CCNYL1: variants seen among roughly 807,000 people sequenced by gnomAD.
The protein encoded by CCNYL1 is cyclin Y like 1.
A neutral mutation model predicts 44.2 loss-of-function variants in CCNYL1; 16 were observed. That is an observed-to-expected ratio of 0.36 (90% CI 0.25 to 0.55). CCNYL1 has a LOEUF of 0.55. CCNYL1 is among the 20% of genes least tolerant of loss of function. The pLI, the probability that CCNYL1 is intolerant of heterozygous loss-of-function variation, is 0.85. For synonymous variants in CCNYL1, 159 were observed against 163.2 expected, an observed-to-expected ratio of 0.97 and a Z score of 0.20; for missense variants, 348 against 451.8, an observed-to-expected ratio of 0.77 and a Z score of 2.08.
At position 207,743,929 on chromosome 2, in the gene CCNYL1, A is replaced by T. The variant is rs552096816; in HGVS notation, c.639+1587A>T. Among the ~76,000 whole-genome samples the T allele has an allele frequency of 2.6e-5, 4 of 152,118 alleles. 1 individual carries two copies. Among genetic ancestry groups the T allele is most frequent in the African/African-American group, 9.6e-5 (4 of 41,482 alleles). ...CAGGTGATCCTGCCAGAGTGTTGGG[A>T]TTACAGACGTGAGCTACCAAGTGCT... On this transcript the variant is annotated intron_variant, in intron 7 of 9. Transcript: ENST00000295414.
At chr2:207,752,565 C>A (rs2091901649) in intron 9 of CCNYL1, among the ~76,000 whole-genome samples, 1 of 151,522 alleles carries the variant, frequency 6.6e-6, no homozygotes, top group Non-Finnish European at 1.5e-5. Context: ...GTAGGAAGTA[C>A]ATGGGTTTTT....
At chr2:207,728,584 C>G (rs1169393105) in intron 3 of CCNYL1, among the ~76,000 whole-genome samples, 2 of 152,096 alleles carry the variant, frequency 1.3e-5, no homozygotes, top group African/African-American at 4.8e-5. Context: ...CCAAAGCTTC[C>G]TATTTCATAA....
intron 8 of CCNYL1, among the ~76,000 whole-genome samples, chr2:207,747,709 G>A (rs537072428): frequency 1.8e-4 from 27 of 152,150 alleles, no homozygotes; most frequent in Non-Finnish European, 3.2e-4. Context: ...ACAGGCATGC[G>A]CCACCATGCC....
chr2:207,730,386 T>A (rs1047618915), intron 3 of CCNYL1, among the ~76,000 whole-genome samples: 107 of 152,202 alleles, frequency 7.0e-4, no homozygotes, highest in Non-Finnish European at 1.4e-3. Context: ...TTCCAGTCAC[T>A]CTCTGTAGGC....
At chr2:207,739,515 C>T (rs1426896250) in intron 5 of CCNYL1, among the ~76,000 whole-genome samples, 1 of 152,236 alleles carries the variant, frequency 6.6e-6, no homozygotes, top group Non-Finnish European at 1.5e-5. Context: ...TAGGCATGAG[C>T]CACCACACCT....
intron 5 of CCNYL1, among the ~76,000 whole-genome samples, chr2:207,739,902 A>C (rs2091795516): frequency 6.6e-6 from 1 of 152,236 alleles, no homozygotes; most frequent in Non-Finnish European, 1.5e-5. Flanking sequence ...ACTCATTACA[A>C]ATGTCATACA....
At chr2:207,719,276 G>A (rs972688766) in intron 1 of CCNYL1, among the ~76,000 whole-genome samples, 1 of 147,714 alleles carries the variant, frequency 6.8e-6, no homozygotes, top group Non-Finnish European at 1.5e-5. Flanking sequence ...ATAATTTATT[G>A]TGCATTATGT....
At chr2:207,714,233 G>GTT in intron 1 of CCNYL1, 1 of 366,590 alleles carries the variant, frequency 2.7e-6, no homozygotes, top group Non-Finnish European at 5.2e-6. Flanking sequence ...AAATAGTCCT[G>GTT]TTTTTGAGAA....
intron 5 of CCNYL1, among the ~76,000 whole-genome samples, chr2:207,740,256 T>C (rs2105834733): frequency 6.6e-6 from 1 of 152,334 alleles, no homozygotes; most frequent in East Asian, 1.9e-4. Context: ...AGGAAAAGCC[T>C]GGGAAATCTG....
intron 3 of CCNYL1, among the ~76,000 whole-genome samples, chr2:207,733,095 G>A (rs1008909060): frequency 1.3e-5 from 2 of 152,068 alleles, no homozygotes; most frequent in African/African-American, 4.8e-5. Flanking sequence ...TTTTTGGTGT[G>A]GCTGCGGGCA....
chr2:207,714,449 A>G (rs1324544580), intron 1 of CCNYL1: 1 of 374,382 alleles, frequency 2.7e-6, no homozygotes, highest in Non-Finnish European at 5.1e-6. Flanking sequence ...GGCGTGTGCC[A>G]TCTTGCCTGG....
At chr2:207,724,754 T>G (rs760690641) in intron 1 of CCNYL1, 46 bp from the exon 2 acceptor site, 6 of 1,368,800 alleles carry the variant, frequency 4.4e-6, no homozygotes, top group Middle Eastern at 1.8e-4. Flanking sequence ...GAAATCATCT[T>G]TTCTACTCAC....
At position 207,755,644 on chromosome 2, in the gene CCNYL1, A is replaced by G. The variant is rs567791581; in HGVS notation, c.*1946A>G. ...TTGGACCCTAATTATAGAAGGTGAT[A>G]TGAACAGCTGTTTTATCATCCTACA... On this transcript the variant is annotated 3_prime_UTR_variant, in exon 10 of 10. Transcript: ENST00000295414. The G allele has an allele frequency of 1.3e-5, 2 of 152,208 alleles. No homozygotes were observed. The highest frequency in any genetic ancestry group is 2.9e-5 in the Non-Finnish European group (2 of 68,032). The allele number at this position is 152,208 out of a possible 1,614,324, so 9.4% of individuals were successfully genotyped here. A position where few individuals can be genotyped will look rare whatever the true frequency, so the allele number is the denominator to read the frequency against.
chr2:207,722,153 A>C (rs1004161487), intron 1 of CCNYL1, among the ~76,000 whole-genome samples: 4 of 150,516 alleles, frequency 2.7e-5, no homozygotes, highest in Non-Finnish European at 4.4e-5. Flanking sequence ...GTTCACTGCA[A>C]CCTCTGCCTC....
intron 7 of CCNYL1, among the ~76,000 whole-genome samples, chr2:207,746,508 C>T (rs1443480299): frequency 6.6e-6 from 1 of 152,140 alleles, no homozygotes; most frequent in Non-Finnish European, 1.5e-5. Context: ...TCCAGTCATT[C>T]CTGTGACTGG....
At position 207,751,059 on chromosome 2, in the gene CCNYL1, T is replaced by G. The variant is rs749775757; in HGVS notation, c.909T>G (p.Asp303Glu). The G allele has an allele frequency of 1.9e-6, 3 of 1,614,162 alleles. No individual in the cohort carries two copies. In the South Asian group the frequency reaches 3.3e-5, roughly 18 times the overall value. ...KYYFDLRSLA[D>E]DNNLNFLFAP... ...ACTTTGACCTTCGCTCCTTAGCAGA[T>G]GACAACAACCTGAATTTTCTATTTG... Residue 303 changes from aspartate to glutamate, a missense_variant, in exon 9 of 10, where the codon GAT (aspartate) becomes GAG (glutamate). This residue lies in a region of CCNYL1 where 94 missense variants were observed against 102.4 expected (regional missense o/e 0.92). Transcript: ENST00000295414.
At chr2:207,731,548 T>A (rs957236928) in intron 3 of CCNYL1, among the ~76,000 whole-genome samples, 2 of 152,158 alleles carry the variant, frequency 1.3e-5, no homozygotes, top group Admixed American at 1.3e-4. Flanking sequence ...TATATTATTA[T>A]GTTTGTCAAT....
chr2:207,712,014 G>C lies in CCNYL1; in HGVS notation c.118G>C (p.Ala40Pro). ...CATCTACGAGGCGGTGTCCGGGGAC[G>C]CGGTGGCGGTAGCGCCCGCTGTGGT... ...SDIYEAVSGD[A>P]VAVAPAVVEP... Residue 40 changes from alanine to proline, a missense_variant, in exon 1 of 10, where the codon GCG becomes CCG. By Grantham distance (27) the Ala-to-Pro change is conservative. This residue lies in a region of CCNYL1 where 209 missense variants were observed against 247.7 expected (regional missense o/e 0.84). Transcript: ENST00000295414. 6.7e-7 allele frequency: 1 copy of C among 1,486,522 alleles called. No individual in the cohort carries two copies. Among genetic ancestry groups the C allele is most frequent in the Non-Finnish European group, 8.9e-7 (1 of 1,117,712 alleles). 92.1% of individuals were successfully genotyped at this position (1,486,522 alleles called of 1,614,324 possible).
At chr2:207,720,598 G>A (rs1383368835) in intron 1 of CCNYL1, among the ~76,000 whole-genome samples, 1 of 152,014 alleles carries the variant, frequency 6.6e-6, no homozygotes, top group African/African-American at 2.4e-5. Context: ...TTTTTGTAGA[G>A]ATGGGGGTCT....
Sources: allele counts gnomAD v4.1 joint callset (sites outside exome capture counted in the v4.1 genomes callset), GRCh38; gene constraint gnomAD v4.1.1; regional missense constraint gnomAD v4.1.1; transcripts MANE v1.5; gene names NCBI Gene and HGNC (gene_info 2026-07-23, HGNC 2026-07-21).